The following COBL variants were observed in gnomAD, a reference collection of about 807,000 sequenced individuals.
COBL encodes the protein protein cordon-bleu.
In COBL, 51 loss-of-function variants were observed where a neutral mutation model predicts 98.8. The observed-to-expected ratio is 0.52, with a 90% CI of 0.41 to 0.65. The LOEUF (loss-of-function observed/expected upper bound fraction) is 0.65. COBL is among the 30% of genes least tolerant of loss of function. COBL has a pLI of 0.00. For synonymous variants in COBL, 634 were observed against 651.7 expected, an observed-to-expected ratio of 0.97 and a Z score of 0.41; for missense variants, 1,617 against 1,617.5, an observed-to-expected ratio of 1.00 and a Z score of 0.01.
chr7:51,266,541 G>A (rs1376285297), intron 1 of COBL, among the ~76,000 whole-genome samples: 1 of 152,158 alleles, frequency 6.6e-6, no homozygotes, highest in Non-Finnish European at 1.5e-5. Flanking sequence ...TCGCACCATT[G>A]CACTCCAGCC....
chr7:51,183,715 T>C (rs1323479539), intron 5 of COBL, among the ~76,000 whole-genome samples: 2 of 152,274 alleles, frequency 1.3e-5, no homozygotes, highest in African/African-American at 4.8e-5. Flanking sequence ...GATAGCAATA[T>C]TGGCTATTTA....
intron 1 of COBL, among the ~76,000 whole-genome samples, chr7:51,226,704 C>A (rs561721549): frequency 1.3e-5 from 2 of 152,310 alleles, no homozygotes; most frequent in South Asian, 4.1e-4. Flanking sequence ...CCGCAGCCTG[C>A]AGAACTGGTT....
chr7:51,173,522 G>T (rs1367717160), intron 5 of COBL, among the ~76,000 whole-genome samples: 3 of 152,090 alleles, frequency 2.0e-5, no homozygotes, highest in Non-Finnish European at 4.4e-5. Flanking sequence ...CTAATTCATT[G>T]GGTGTACACA....
At chr7:51,184,730 A>G (rs1789321769) in intron 4 of COBL, among the ~76,000 whole-genome samples, 1 of 152,144 alleles carries the variant, frequency 6.6e-6, no homozygotes, top group South Asian at 2.1e-4. Flanking sequence ...ATCAGTGTGG[A>G]CTCGGTACAT....
intron 5 of COBL, among the ~76,000 whole-genome samples, chr7:51,146,324 A>G (rs1785027728): frequency 6.6e-6 from 1 of 151,898 alleles, no homozygotes; most frequent in African/African-American, 2.4e-5. Flanking sequence ...CTCCCTTGCC[A>G]CCTCCTTTTA....
rs1458771467 is a variant in COBL at position 51,168,398 on chromosome 7, T to TC, written c.783+15703_783+15704insG. 3.0e-3 allele frequency among the ~76,000 whole-genome samples: 459 copies of TC among 150,696 alleles called. 1 individual carries two copies. Among genetic ancestry groups the TC allele is most frequent in the African/African-American group, 0.011 (441 of 40,966 alleles). On this transcript the variant is annotated intron_variant, in intron 5 of 12. Coordinates refer to ENST00000265136, the MANE Select transcript of COBL (RefSeq NM_015198.5). ...CTGCAGTGAGCCGAGATCGCACCAC[T>TC]GCACTCCAGCACCAGTGACAGAGCG...
chr7:51,121,248 T>C (rs1797710584), intron 6 of COBL, among the ~76,000 whole-genome samples: 1 of 152,232 alleles, frequency 6.6e-6, no homozygotes, highest in Non-Finnish European at 1.5e-5. Context: ...CATTGTGGTT[T>C]TGATTTGCAT....
chr7:51,175,493 C>CATTG (rs1308170615), intron 5 of COBL, among the ~76,000 whole-genome samples: 2 of 152,202 alleles, frequency 1.3e-5, no homozygotes, highest in East Asian at 3.9e-4. Flanking sequence ...TGTTAACATG[C>CATTG]ATTGTATTAG....
chr7:51,297,655 A>G (rs975836357), intron 1 of COBL, among the ~76,000 whole-genome samples: 29 of 152,088 alleles, frequency 1.9e-4, no homozygotes, highest in African/African-American at 6.8e-4. Flanking sequence ...AGCCTCCCAA[A>G]GTGCTAGGAT....
chr7:51,118,928 C>T (rs1453154011), intron 6 of COBL, among the ~76,000 whole-genome samples: 1 of 152,164 alleles, frequency 6.6e-6, no homozygotes. Flanking sequence ...TTTCCTGCAG[C>T]CATGTGGGAT....
intron 7 of COBL, among the ~76,000 whole-genome samples, chr7:51,061,722 C>T (rs571293979): frequency 6.6e-6 from 1 of 152,118 alleles, no homozygotes; most frequent in African/African-American, 2.4e-5. Context: ...CTGAACAGAA[C>T]AAAAAGGCAG....
chr7:51,247,851 G>A (rs115105772), intron 1 of COBL, among the ~76,000 whole-genome samples: 28 of 152,296 alleles, frequency 1.8e-4, no homozygotes, highest in African/African-American at 5.8e-4. Context: ...AAGGCCAGGC[G>A]CAATGGCTCA....
At chr7:51,057,543 G>A (rs905666015) in intron 7 of COBL, among the ~76,000 whole-genome samples, 10 of 152,098 alleles carry the variant, frequency 6.6e-5, no homozygotes, top group South Asian at 2.1e-4. Flanking sequence ...GGCACTGTGC[G>A]TCTGCTTGTA....
At chr7:51,271,466 T>C (rs1798751005) in intron 1 of COBL, among the ~76,000 whole-genome samples, 1 of 152,206 alleles carries the variant, frequency 6.6e-6, no homozygotes, top group Non-Finnish European at 1.5e-5. Context: ...CTTACGTCAG[T>C]CACGGTTAAC....
chr7:51,136,223 T>A lies in COBL; in HGVS notation c.892A>T (p.Lys298Ter). Residue 298 changes from lysine (K) to a stop codon, truncating the protein, a stop_gained, in exon 6 of 13, where the codon AAG becomes TAG. Coordinates refer to ENST00000265136, the MANE Select transcript of COBL (RefSeq NM_015198.5). LOFTEE classifies it high-confidence loss of function. The stretch of plus-strand genomic sequence containing the variant: ...GGAGGAGGAGGGGCTCGGCGCTTCT[T>A]CATCTCCGACTTCACGGACACCCCT... ...ISGVSVKSEM[K>*]KRRAPPPPGS... The A allele has an allele frequency of 6.2e-7, 1 of 1,613,610 alleles. No individual in the cohort carries two copies. Among genetic ancestry groups the A allele is most frequent in the South Asian group, 1.1e-5 (1 of 91,032 alleles).
chr7:51,254,408 A>T (rs1227854908), intron 1 of COBL, among the ~76,000 whole-genome samples: 1 of 152,238 alleles, frequency 6.6e-6, no homozygotes, highest in Non-Finnish European at 1.5e-5. Flanking sequence ...TATATAAGGG[A>T]AAACACACTA....
At chr7:51,050,190 T>C (rs1790101720) in intron 7 of COBL, among the ~76,000 whole-genome samples, 1 of 152,138 alleles carries the variant, frequency 6.6e-6, no homozygotes, top group South Asian at 2.1e-4. Context: ...TGAAAAACAT[T>C]TATGGATCTA....
intron 6 of COBL, among the ~76,000 whole-genome samples, chr7:51,133,403 A>C (rs1480366912): frequency 6.6e-6 from 1 of 152,226 alleles, no homozygotes; most frequent in Non-Finnish European, 1.5e-5. Context: ...GTTGCCTTTG[A>C]GTAGTCAAAA....
At chr7:51,174,497 G>A (rs1788177085) in intron 5 of COBL, among the ~76,000 whole-genome samples, 1 of 152,138 alleles carries the variant, frequency 6.6e-6, no homozygotes, top group African/African-American at 2.4e-5. Flanking sequence ...ATAAGGTATA[G>A]AGAAATGAAA....
Sources: allele counts gnomAD v4.1 joint callset (sites outside exome capture counted in the v4.1 genomes callset), GRCh38; gene constraint gnomAD v4.1.1; transcripts MANE v1.5; gene names NCBI Gene and HGNC (gene_info 2026-07-23, HGNC 2026-07-21).